SLCO1A2: variants seen among roughly 807,000 people sequenced by gnomAD.
SLCO1A2 encodes solute carrier organic anion transporter family member 1A2.
In SLCO1A2, 67 loss-of-function variants were observed where a neutral mutation model predicts 69.0. The observed-to-expected ratio is 0.97, with a 90% CI of 0.80 to 1.19. The LOEUF is 1.19. Among genes scored for constraint, SLCO1A2 ranks in the 50% most tolerant of loss-of-function variants. The pLI is 0.00. For missense variants in SLCO1A2, 787 were observed against 793.7 expected, an observed-to-expected ratio of 0.99 and a Z score of 0.10; for synonymous variants, 260 against 265.9, an observed-to-expected ratio of 0.98 and a Z score of 0.22.
At chr12:21,388,281 G>A (rs550268615) in intron 1 of SLCO1A2, among the ~76,000 whole-genome samples, 2 of 152,220 alleles carry the variant, frequency 1.3e-5, no homozygotes, top group East Asian at 3.9e-4. Flanking sequence ...TAAGATTTGG[G>A]AGGGACCAGG....
intron 2 of SLCO1A2, among the ~76,000 whole-genome samples, chr12:21,329,780 T>C (rs1223982730): frequency 6.6e-6 from 1 of 151,576 alleles, no homozygotes; most frequent in Non-Finnish European, 1.5e-5. Context: ...TAGCAAAAGC[T>C]ACATCATTGT....
chr12:21,312,021 A>G (rs954735253), intron 4 of SLCO1A2, among the ~76,000 whole-genome samples: 3 of 149,284 alleles, frequency 2.0e-5, no homozygotes, highest in African/African-American at 7.4e-5. Flanking sequence ...AGGAGGAGGG[A>G]GGAGGAGAAG....
At chr12:21,363,679 T>C (rs1354323103) in intron 2 of SLCO1A2, among the ~76,000 whole-genome samples, 1 of 151,660 alleles carries the variant, frequency 6.6e-6, no homozygotes, top group Non-Finnish European at 1.5e-5. Flanking sequence ...AAGAGAGAAG[T>C]GTCAAACAGA....
intron 2 of SLCO1A2, among the ~76,000 whole-genome samples, chr12:21,370,917 G>T (rs1328639452): frequency 1.3e-5 from 2 of 152,170 alleles, no homozygotes; most frequent in African/African-American, 4.8e-5. Context: ...CTTTGTTCAT[G>T]AAAGAGTTCA....
In SLCO1A2 at chr12:21,269,642, A is replaced by G; in HGVS notation, c.1919T>C (p.Ile640Thr). The G allele has an allele frequency of 1.2e-6, 2 of 1,612,720 alleles. No homozygotes were observed. The highest frequency in any genetic ancestry group is 1.1e-5 in the South Asian group (1 of 91,026). ...GENASSGTEL[I>T]ETKVKGKENE... ...TTCCTTCCCTTTGACTTTTGTCTCT[A>G]TAAGCTCTGTTCCTGAAGAGGCATT... The change falls in exon 15 of 15, where the codon ATA (isoleucine) becomes ACA (threonine). Residue 640 changes from isoleucine to threonine, a missense_variant. By Grantham distance (89) the Ile-to-Thr change is moderately conservative. Coordinates refer to ENST00000683939, the MANE Select transcript of SLCO1A2 (RefSeq NM_001386879.1).
chr12:21,279,534 A>G (rs1944436853), intron 12 of SLCO1A2, among the ~76,000 whole-genome samples: 1 of 152,198 alleles, frequency 6.6e-6, no homozygotes, highest in Non-Finnish European at 1.5e-5. Context: ...CTTACAGGCC[A>G]AGAGAGAGTG....
At chr12:21,374,045 ATTC>A (rs751851816) in intron 2 of SLCO1A2, among the ~76,000 whole-genome samples, 4 of 152,154 alleles carry the variant, frequency 2.6e-5, no homozygotes, top group African/African-American at 7.2e-5. Flanking sequence ...ATAAAAAGTT[ATTC>A]TTCTTATTAC....
intron 1 of SLCO1A2, among the ~76,000 whole-genome samples, chr12:21,408,370 A>G (rs993965344): frequency 6.6e-6 from 1 of 152,010 alleles, no homozygotes; most frequent in African/African-American, 2.4e-5. Flanking sequence ...ACCCAAGGTC[A>G]TCATTCCTCC....
rs1482651204 is a variant in SLCO1A2 at position 21,285,184 on chromosome 12, G to A, written c.1610+6980C>T. On this transcript the variant is annotated intron_variant, in intron 12 of 14. Transcript: ENST00000683939. ...AAATGATAAAGGGGATATCACCACC[G>A]ATCCCACAGAAATACAAACTACCAT... Among the ~76,000 whole-genome samples the A allele has an allele frequency of 2.7e-3, 407 of 150,348 alleles. 1 individual carries two copies. Among genetic ancestry groups the A allele is most frequent in the African/African-American group, 9.0e-3 (365 of 40,772 alleles).
chr12:21,370,913 T>C (rs1405323183), intron 2 of SLCO1A2, among the ~76,000 whole-genome samples: 1 of 152,188 alleles, frequency 6.6e-6, no homozygotes, highest in African/African-American at 2.4e-5. Flanking sequence ...TTGGCTTTGT[T>C]CATGAAAGAG....
chr12:21,377,821 G>A (rs1382097611), intron 1 of SLCO1A2, among the ~76,000 whole-genome samples: 1 of 151,720 alleles, frequency 6.6e-6, no homozygotes, highest in Admixed American at 6.6e-5. Context: ...TATTCTTATT[G>A]GAAAGATGTA....
intron 2 of SLCO1A2, among the ~76,000 whole-genome samples, chr12:21,348,057 C>T (rs1465378925): frequency 1.3e-5 from 2 of 152,142 alleles, no homozygotes; most frequent in Non-Finnish European, 2.9e-5. Flanking sequence ...TAGTCTTTCT[C>T]TTTTTCCATA....
chr12:21,280,505 A>T (rs1944593423), intron 12 of SLCO1A2, among the ~76,000 whole-genome samples: 1 of 152,086 alleles, frequency 6.6e-6, no homozygotes, highest in Admixed American at 6.6e-5. Flanking sequence ...ATAAGGATAA[A>T]AGGATTAATT....
intron 2 of SLCO1A2, among the ~76,000 whole-genome samples, chr12:21,329,791 A>G (rs1451672257): frequency 6.6e-6 from 1 of 151,394 alleles, no homozygotes; most frequent in Admixed American, 6.6e-5. Flanking sequence ...ACATCATTGT[A>G]TTTTTATAAA....
rs770607117 is a variant in SLCO1A2, at chr12:21,266,455, A to C, written c.*3093T>G. ...TCGTGTGCTATTACTCAAATTTCTTAAAATCATCTGAGGAAAAGTTAATGA... is the reference window on the plus strand; with the variant it reads ...TCGTGTGCTATTACTCAAATTTCTTCAAATCATCTGAGGAAAAGTTAATGA... On this transcript the variant is annotated 3_prime_UTR_variant, in exon 15 of 15. Coordinates refer to ENST00000683939, the MANE Select transcript of SLCO1A2 (RefSeq NM_001386879.1). 3.9e-5 allele frequency: 6 copies of C among 152,152 alleles called. No individual in the cohort carries two copies. The highest frequency in any genetic ancestry group is 1.5e-5 in the Non-Finnish European group (1 of 68,034). The allele number at this position is 152,152 out of a possible 1,614,324, so 9.4% of individuals were successfully genotyped here. A position where few individuals can be genotyped will look rare whatever the true frequency, so the allele number is the denominator to read the frequency against.
intron 1 of SLCO1A2, among the ~76,000 whole-genome samples, chr12:21,408,417 C>T (rs1591922078): frequency 6.6e-6 from 1 of 152,146 alleles, no homozygotes; most frequent in East Asian, 1.9e-4. Flanking sequence ...TTTAAGTTGT[C>T]ACTGTTGACC....
intron 2 of SLCO1A2, among the ~76,000 whole-genome samples, chr12:21,360,844 C>T (rs868252093): frequency 1.3e-5 from 2 of 152,148 alleles, no homozygotes; most frequent in South Asian, 2.1e-4. Flanking sequence ...GGGGGAGGGG[C>T]GTCCGCCATT....
intron 1 of SLCO1A2, among the ~76,000 whole-genome samples, chr12:21,386,839 G>A (rs1296278870): frequency 1.3e-5 from 2 of 152,052 alleles, no homozygotes; most frequent in Non-Finnish European, 2.9e-5. Flanking sequence ...GAGAAGACAG[G>A]AAAATGTGAG....
chr12:21,329,227 T>C (rs1006814724), intron 2 of SLCO1A2, among the ~76,000 whole-genome samples: 2 of 152,194 alleles, frequency 1.3e-5, no homozygotes, highest in African/African-American at 4.8e-5. Flanking sequence ...ATCTACAAAA[T>C]GGAACAATTA....
Sources: allele counts gnomAD v4.1 joint callset (sites outside exome capture counted in the v4.1 genomes callset), GRCh38; gene constraint gnomAD v4.1.1; transcripts MANE v1.5; gene names NCBI Gene and HGNC (gene_info 2026-07-23, HGNC 2026-07-21).